CAMTA1: variants seen among roughly 807,000 people sequenced by gnomAD.
The protein encoded by CAMTA1 is calmodulin binding transcription activator 1.
Under a neutral mutation model 170.9 loss-of-function variants are expected in CAMTA1, and 27 were observed. That is an observed-to-expected ratio of 0.16 (90% CI 0.12 to 0.22). CAMTA1 has a LOEUF of 0.22. Among genes scored for constraint, CAMTA1 ranks in the 10% least tolerant of loss-of-function variants. The pLI, the probability that CAMTA1 is intolerant of heterozygous loss-of-function variation, is 1.00. For synonymous variants in CAMTA1, 833 were observed against 891.5 expected (o/e 0.93, Z 1.17); for missense variants, 1,619 against 2,217.2 (o/e 0.73, Z 5.42).
intron 4 of CAMTA1, among the ~76,000 whole-genome samples, chr1:7,203,501 T>G (rs912073307): frequency 6.6e-6 from 1 of 151,616 alleles, no homozygotes; most frequent in African/African-American, 2.4e-5. Flanking sequence ...TTTTTTTTTT[T>G]TTTTTAAATT....
At chr1:7,276,301 A>ATTTTTTTTT (rs1487709367) in intron 5 of CAMTA1, among the ~76,000 whole-genome samples, 1 of 20,460 alleles carries the variant, frequency 4.9e-5, no homozygotes, top group African/African-American at 5.4e-4. Flanking sequence ...ATATATATAT[A>ATTTTTTTTT]TATTTTTTTT....
At chr1:7,013,242 T>G (rs1246958453) in intron 3 of CAMTA1, among the ~76,000 whole-genome samples, 5 of 113,480 alleles carry the variant, frequency 4.4e-5, no homozygotes, top group Non-Finnish European at 8.9e-5. Flanking sequence ...TGAGATAGAG[T>G]CTCGCCAGCC....
intron 3 of CAMTA1, among the ~76,000 whole-genome samples, chr1:6,927,099 A>C (rs1683438908): frequency 1.3e-5 from 2 of 151,288 alleles, no homozygotes; most frequent in Admixed American, 1.3e-4. Flanking sequence ...ATCATAACTC[A>C]CTGTAGCCTC....
At chr1:7,686,167 GGAAT>G (rs2096255926) in intron 11 of CAMTA1, among the ~76,000 whole-genome samples, 1 of 152,112 alleles carries the variant, frequency 6.6e-6, no homozygotes, top group Non-Finnish European at 1.5e-5. Context: ...TGGGCTCTGG[GGAAT>G]CCTTATTCTC....
chr1:6,824,192 G>A (rs1404089502), intron 2 of CAMTA1, among the ~76,000 whole-genome samples: 1 of 152,128 alleles, frequency 6.6e-6, no homozygotes, highest in Non-Finnish European at 1.5e-5. Context: ...ATCTTATGTA[G>A]CATAAAAAGC....
intron 6 of CAMTA1, among the ~76,000 whole-genome samples, chr1:7,606,805 G>A (rs1008741630): frequency 6.6e-6 from 1 of 152,190 alleles, no homozygotes; most frequent in Admixed American, 6.5e-5. Flanking sequence ...GCCATCCAAA[G>A]GATCATCAGG....
In CAMTA1 at chr1:7,585,227, A is replaced by C. The variant is rs918125900; in HGVS notation, c.511-55173A>C. 6.6e-6 allele frequency among the ~76,000 whole-genome samples: 1 copy of C among 152,198 alleles called. No individual in the cohort carries two copies. Among genetic ancestry groups the C allele is most frequent in the African/African-American group, 2.4e-5 (1 of 41,434 alleles). On this transcript the variant is annotated intron_variant, in intron 6 of 22. Transcript: ENST00000303635. The surrounding 1 kb of genome is among the most constrained non-coding windows in gnomAD (Gnocchi z 4.8). ...GATTGTGGGCCTGTAATATAATTTAAGATAGTGATAAATGCAGTAACGACA... is the reference window on the plus strand; with the variant it reads ...GATTGTGGGCCTGTAATATAATTTACGATAGTGATAAATGCAGTAACGACA...
chr1:7,601,847 A>G (rs1449294038), intron 6 of CAMTA1, among the ~76,000 whole-genome samples: 3 of 152,156 alleles, frequency 2.0e-5, no homozygotes, highest in South Asian at 4.1e-4. Flanking sequence ...AGGCTGAGGC[A>G]GGAGAATCAG....
At chr1:7,452,141 C>T (rs1424206934) in intron 5 of CAMTA1, among the ~76,000 whole-genome samples, 1 of 152,228 alleles carries the variant, frequency 6.6e-6, no homozygotes, top group East Asian at 1.9e-4. Context: ...ATTTCAGCAC[C>T]TCGAATGGGG....
Position 7,096,010 on chromosome 1 carries a change from G to A in CAMTA1, c.302+4639G>A, listed in dbSNP as rs188926243. 1.1e-4 allele frequency among the ~76,000 whole-genome samples: 17 copies of A among 152,378 alleles called. 1 individual carries two copies. The East Asian group carries it at 3.3e-3, about 29-fold the overall frequency. Reference sequence around the variant, plus strand: ...GAATCCTGTTTATACCCGTTAGAAAGAGGCTGGAAAAGGCTGTTGATTATC... The same window carrying A: ...GAATCCTGTTTATACCCGTTAGAAAAAGGCTGGAAAAGGCTGTTGATTATC... On this transcript the variant is annotated intron_variant, in intron 4 of 22. Transcript: ENST00000303635.
chr1:7,265,350 G>A (rs900063863), intron 5 of CAMTA1, among the ~76,000 whole-genome samples: 1 of 151,718 alleles, frequency 6.6e-6, no homozygotes, highest in Non-Finnish European at 1.5e-5. Context: ...ATCTCACTCT[G>A]TCTCCGAGGT....
intron 3 of CAMTA1, among the ~76,000 whole-genome samples, chr1:6,901,910 G>T (rs1024144856): frequency 6.6e-6 from 1 of 151,972 alleles, no homozygotes; most frequent in Non-Finnish European, 1.5e-5. Context: ...GCCGGGCATG[G>T]TGGTGGGCCC....
intron 5 of CAMTA1, among the ~76,000 whole-genome samples, chr1:7,320,390 C>A (rs528954691): frequency 6.6e-6 from 1 of 152,146 alleles, no homozygotes; most frequent in Non-Finnish European, 1.5e-5. Flanking sequence ...TCACAGTCAT[C>A]GAATCAGTTG....
At position 6,918,365 on chromosome 1, in the gene CAMTA1, G is replaced by T. The variant is rs1447042607; in HGVS notation, c.234+93155G>T. 2.0e-5 allele frequency among the ~76,000 whole-genome samples: 3 copies of T among 152,164 alleles called. No homozygotes were observed. The highest frequency in any genetic ancestry group is 4.4e-5 in the Non-Finnish European group (3 of 68,024). On this transcript the variant is annotated intron_variant, in intron 3 of 22. Transcript: ENST00000303635. This position sits in a 1 kb window ranked among gnomAD's most constrained non-coding sequence, Gnocchi z 4.0. ...GAGCCAATGAGCAGACAGAGTTTGG[G>T]TAATCTATGCAAAGGCCCCTCAGCT... is the stretch of plus-strand genomic sequence containing the variant.
At chr1:6,860,911 CAAAAA>C (rs905167952) in intron 3 of CAMTA1, among the ~76,000 whole-genome samples, 1 of 142,744 alleles carries the variant, frequency 7.0e-6, no homozygotes, top group Non-Finnish European at 1.5e-5. Context: ...GACTCCATCT[CAAAAA>C]AACAAAACAA....
At chr1:7,699,971 G>A (rs958216618) in intron 11 of CAMTA1, among the ~76,000 whole-genome samples, 1 of 152,116 alleles carries the variant, frequency 6.6e-6, no homozygotes, top group Non-Finnish European at 1.5e-5. Flanking sequence ...CTCCCTTTTA[G>A]TGAAATGTCT....
At chr1:7,099,473 G>C (rs1642468336) in intron 4 of CAMTA1, among the ~76,000 whole-genome samples, 1 of 152,188 alleles carries the variant, frequency 6.6e-6, no homozygotes, top group Non-Finnish European at 1.5e-5. Flanking sequence ...TTTCCCAGGG[G>C]CGGCTGCTCT....
intron 1 of CAMTA1, among the ~76,000 whole-genome samples, chr1:6,810,721 C>T (rs1164633081): frequency 6.6e-6 from 1 of 152,118 alleles, no homozygotes; most frequent in East Asian, 1.9e-4. Context: ...AGGAGAATGG[C>T]ATGAACCCGG....
At chr1:6,824,165 C>G (rs950463365) in intron 2 of CAMTA1, among the ~76,000 whole-genome samples, 3 of 152,038 alleles carry the variant, frequency 2.0e-5, no homozygotes, top group African/African-American at 7.2e-5. Flanking sequence ...GTTATGTGTA[C>G]CCTTTGTATA....
Sources: allele counts gnomAD v4.1 joint callset (sites outside exome capture counted in the v4.1 genomes callset), GRCh38; gene constraint gnomAD v4.1.1; non-coding constraint Gnocchi (gnomAD v3.1); transcripts MANE v1.5; gene names NCBI Gene and HGNC (gene_info 2026-07-23, HGNC 2026-07-21).